FRY: variants seen among roughly 807,000 people sequenced by gnomAD.
The protein encoded by FRY is protein furry homolog.
Under a neutral mutation model 348.4 loss-of-function variants are expected in FRY, and 128 were observed. That is an observed-to-expected ratio of 0.37 (90% confidence interval 0.32 to 0.43). The LOEUF is 0.43. Among genes scored for constraint, FRY ranks in the 20% least tolerant of loss-of-function variants. The pLI is 1.00. For synonymous variants in FRY, 1,370 were observed against 1,374.7 expected (o/e 1.00, Z 0.08); for missense variants, 2,736 against 3,695.2 (o/e 0.74, Z 6.73).
chr13:32,051,456 T>A (rs1873324101), intron 1 of FRY, among the ~76,000 whole-genome samples: 2 of 152,210 alleles, frequency 1.3e-5, no homozygotes, highest in Non-Finnish European at 2.9e-5. Flanking sequence ...AGTTTAGCTT[T>A]CTGCTTAAAT....
intron 35 of FRY, among the ~76,000 whole-genome samples, chr13:32,217,205 G>T (rs1012200140): frequency 2.0e-5 from 3 of 152,080 alleles, no homozygotes; most frequent in African/African-American, 2.4e-5. Flanking sequence ...CACCTATTTT[G>T]GCTTGAGTTT....
chr13:32,286,809 C>CCCAGT (rs974382115), intron 58 of FRY, among the ~76,000 whole-genome samples: 4 of 143,710 alleles, frequency 2.8e-5, no homozygotes, highest in African/African-American at 1.0e-4. Flanking sequence ...TTGAACATGG[C>CCCAGT]CCAGTTACAA....
intron 28 of FRY, among the ~76,000 whole-genome samples, chr13:32,188,851 T>A (rs1050819107): frequency 1.3e-5 from 2 of 152,254 alleles, no homozygotes; most frequent in Non-Finnish European, 1.5e-5. Context: ...ACTTGTCTAC[T>A]GCTGATGAGT....
intron 15 of FRY, among the ~76,000 whole-genome samples, chr13:32,156,460 G>T (rs1471950415): frequency 2.6e-5 from 4 of 152,096 alleles, no homozygotes; most frequent in African/African-American, 9.7e-5. Context: ...AATTAGCTGG[G>T]CATGGTGGTG....
At chr13:32,185,944 A>AG (rs1883001095) in intron 26 of FRY, among the ~76,000 whole-genome samples, 2 of 152,158 alleles carry the variant, frequency 1.3e-5, no homozygotes, top group African/African-American at 4.8e-5. Context: ...AAAACATTTA[A>AG]TATGTAAGCA....
Position 32,244,099 on chromosome 13 carries a change from C to A in FRY, c.6745C>A (p.Leu2249Ile). ...QQPLLQVIYS[L>I]LSYMDLSVVP... ...GCCCCTGCTCCAGGTGATCTACAGT[C>A]TTCTCAGCTACATGGACCTTTCTGT... Residue 2249 changes from leucine (L) to isoleucine (I), a missense_variant, in exon 47 of 61, where the codon CTT (leucine) becomes ATT (isoleucine). Physicochemically the swap from Leu to Ile is conservative, Grantham distance 5. Around this residue, in one of 9 missense-constraint regions of FRY, gnomAD observed 789 missense variants for 996.2 expected, o/e 0.79. Transcript: ENST00000542859. 1 of 1,613,782 alleles carries A rather than the reference C, an allele frequency of 6.2e-7. No individual in the cohort carries two copies. The highest frequency in any genetic ancestry group is 8.5e-7 in the Non-Finnish European group (1 of 1,179,646).
intron 55 of FRY, 90 bp from the exon 56 acceptor site, chr13:32,274,752 A>T (rs537639460): frequency 1.8e-5 from 16 of 879,900 alleles, no homozygotes; most frequent in South Asian, 5.7e-5. Flanking sequence ...ATTGGAATAT[A>T]AAAAAAGAAG....
chr13:32,171,622 T>C (rs1279581929), intron 18 of FRY, among the ~76,000 whole-genome samples: 1 of 152,134 alleles, frequency 6.6e-6, no homozygotes, highest in East Asian at 1.9e-4. Flanking sequence ...GAATTTATAT[T>C]CTTTTATTCA....
chr13:32,170,040 AC>A (rs1566108376), intron 17 of FRY, among the ~76,000 whole-genome samples: 1 of 152,144 alleles, frequency 6.6e-6, no homozygotes, highest in African/African-American at 2.4e-5. Context: ...GCTTCTACCC[AC>A]TAGAGAAATG....
intron 24 of FRY, 94 bp downstream of exon 24, chr13:32,183,128 C>T (rs1049715850): frequency 2.5e-5 from 17 of 692,696 alleles, no homozygotes; most frequent in Non-Finnish European, 4.1e-5. Context: ...AGAATACAAA[C>T]CCCTAACACC....
At chr13:32,162,018 A>T (rs1297501523) in intron 17 of FRY, among the ~76,000 whole-genome samples, 3 of 152,300 alleles carry the variant, frequency 2.0e-5, no homozygotes, top group East Asian at 3.8e-4. Flanking sequence ...GACACGTGGG[A>T]TGTGTGGAAT....
At chr13:32,240,333 G>A (rs914385771) in intron 46 of FRY, among the ~76,000 whole-genome samples, 8 of 152,172 alleles carry the variant, frequency 5.3e-5, no homozygotes, top group Admixed American at 2.0e-4. Context: ...GGTAACACCT[G>A]TCAGTACACG....
At chr13:32,062,589 C>A (rs1423458992) in intron 1 of FRY, among the ~76,000 whole-genome samples, 1 of 152,010 alleles carries the variant, frequency 6.6e-6, no homozygotes, top group Non-Finnish European at 1.5e-5. Flanking sequence ...AATTTTATGT[C>A]TTTGTACATT....
intron 1 of FRY, among the ~76,000 whole-genome samples, chr13:32,049,574 A>G (rs938772326): frequency 6.6e-6 from 1 of 152,160 alleles, no homozygotes; most frequent in Non-Finnish European, 1.5e-5. Context: ...AGCTGGGACT[A>G]CAGGCGCTCG....
At chr13:32,293,895 A>G (rs1026422499) in intron 59 of FRY, among the ~76,000 whole-genome samples, 7 of 152,198 alleles carry the variant, frequency 4.6e-5, no homozygotes, top group Non-Finnish European at 7.4e-5. Flanking sequence ...AGCATTTTGT[A>G]TATATTATTT....
intron 2 of FRY, among the ~76,000 whole-genome samples, chr13:32,091,361 C>T (rs1876297870): frequency 6.6e-6 from 1 of 152,170 alleles, no homozygotes; most frequent in South Asian, 2.1e-4. Context: ...GCCGATTACC[C>T]CTCATGATGG....
rs1427589763 is a variant in FRY at position 32,237,703 on chromosome 13, C to T, written c.6135C>T (p.Phe2045=). The T allele has an allele frequency of 1.2e-6, 2 of 1,614,184 alleles. No homozygotes were observed. Among genetic ancestry groups the T allele is most frequent in the Admixed American group, 1.7e-5 (1 of 60,022 alleles). Residue 2045 remains phenylalanine (F), a synonymous_variant, in exon 44 of 61, where the codon TTC becomes TTT. Transcript: ENST00000542859. The surrounding 1 kb of genome is among the most constrained non-coding windows in gnomAD (Gnocchi z 6.3). ...CCACCAACCTGCTGGCCACCATATT[C>T]TGGGTCACAGTGGCCTTGATGGAGT... ...NHPTNLLATI[F]WVTVALMESD...
At chr13:32,266,842 G>A (rs1481579440) in intron 54 of FRY, among the ~76,000 whole-genome samples, 2 of 152,124 alleles carry the variant, frequency 1.3e-5, no homozygotes, top group Non-Finnish European at 2.9e-5. Context: ...ATATTTGCTG[G>A]GCATGGTAGC....
chr13:32,277,148 A>G (rs769126431), intron 57 of FRY, among the ~76,000 whole-genome samples: 67 of 152,218 alleles, frequency 4.4e-4, no homozygotes, highest in Admixed American at 9.8e-4. Context: ...AAGAATAATT[A>G]ATTGTATGTA....
Sources: allele counts gnomAD v4.1 joint callset (sites outside exome capture counted in the v4.1 genomes callset), GRCh38; gene constraint gnomAD v4.1.1; regional missense constraint gnomAD v4.1.1; non-coding constraint Gnocchi (gnomAD v3.1); transcripts MANE v1.5; gene names NCBI Gene and HGNC (gene_info 2026-07-23, HGNC 2026-07-21).